STAB1: variants seen among roughly 807,000 people sequenced by gnomAD.
STAB1 encodes the protein stabilin 1.
In STAB1, 250 loss-of-function variants were observed where a neutral mutation model predicts 332.4. That is an observed-to-expected ratio of 0.75 (90% CI 0.68 to 0.84). STAB1 has a LOEUF of 0.84. Among genes scored for constraint, STAB1 ranks in the 40% least tolerant of loss-of-function variants. The pLI, the probability that STAB1 is intolerant of heterozygous loss-of-function variation, is 0.00. For missense variants in STAB1, 3,249 were observed against 3,489.7 expected, an observed-to-expected ratio of 0.93 and a Z score of 1.74; for synonymous variants, 1,475 against 1,390.4, an observed-to-expected ratio of 1.06 and a Z score of -1.35.
At chr3:52,509,152 G>T in intron 21 of STAB1, 58 bp from the exon 22 acceptor site, 1 of 1,479,920 alleles carries the variant, frequency 6.8e-7, no homozygotes. Flanking sequence ...GGTGTTGGGA[G>T]AGGGGATGTA....
chr3:52,518,716 G>A lies in STAB1; in HGVS notation c.4888-7G>A, dbSNP rs2078960230. On this transcript the variant is annotated splice_region_variant and splice_polypyrimidine_tract_variant and intron_variant, in intron 47 of 68. Transcript: ENST00000321725. ...GGGACCCCACTCCCCTCGCGACTCT[G>A]CTCCAGGATGAGCTGGCCCGGATTC... is the stretch of plus-strand genomic sequence containing the variant. 1 of 1,612,240 alleles carries A rather than the reference G, an allele frequency of 6.2e-7. No individual in the cohort carries two copies. Among genetic ancestry groups the A allele is most frequent in the Admixed American group, 1.7e-5 (1 of 59,962 alleles).
chr3:52,495,800 G>A (rs991919833), intron 1 of STAB1, among the ~76,000 whole-genome samples: 1 of 152,192 alleles, frequency 6.6e-6, no homozygotes, highest in African/African-American at 2.4e-5. Context: ...CCAGACGGAG[G>A]CCCAGGTCTT....
intron 16 of STAB1, 113 bp from the exon 17 acceptor site, chr3:52,506,057 T>C (rs1262263910): frequency 8.7e-6 from 13 of 1,502,164 alleles, no homozygotes; most frequent in East Asian, 7.1e-5. Flanking sequence ...TGTTCTGCTA[T>C]AGCACAGAGC....
Position 52,504,077 on chromosome 3 carries a change from C to T in STAB1, c.1072C>T (p.His358Tyr). ...EVGDGRACYG[H>Y]LLHEVQKATQ... ...GGGGGATGGGCGTGCCTGCTACGGA[C>T]ACCTGCTCCACGAGGTGCAGAAGGC... The change falls in exon 10 of 69, where the codon CAC (histidine) becomes TAC (tyrosine). Residue 358 changes from histidine to tyrosine, a missense_variant. Transcript: ENST00000321725. 1 of 1,586,424 alleles carries T rather than the reference C, an allele frequency of 6.3e-7. No homozygotes were observed. The highest frequency in any genetic ancestry group is 8.6e-7 in the Non-Finnish European group (1 of 1,166,414).
chr3:52,520,719 T>A, intron 54 of STAB1, 21 bp downstream of exon 54: 1 of 388,170 alleles, frequency 2.6e-6, no homozygotes. Context: ...AGGGGCTGAG[T>A]GGGGGTGGTG....
At chr3:52,514,045 G>C (rs1709488315) in intron 32 of STAB1, 64 bp downstream of exon 32, 1 of 1,598,074 alleles carries the variant, frequency 6.3e-7, no homozygotes, top group Admixed American at 1.7e-5. Context: ...GGTCCAGAGG[G>C]ACCTGGCTGG....
At position 52,508,305 on chromosome 3, in the gene STAB1, TGACTGCAC is replaced by T; in HGVS notation, c.2183_2190del (p.Asp728AlafsTer18). ...GCTGCTGCAAAGGTTTTTTCGGGCC[TGACTGCAC>T]GCAGTGTCCTGGGGGCTTCTCCAAC... is the stretch of plus-strand genomic sequence containing the variant. On this transcript the variant is annotated frameshift_variant, in exon 21 of 69. Transcript: ENST00000321725. LOFTEE classifies it high-confidence loss of function. 1 of 1,613,854 alleles carries T rather than the reference TGACTGCAC, an allele frequency of 6.2e-7. No individual in the cohort carries two copies. The highest frequency in any genetic ancestry group is 8.5e-7 in the Non-Finnish European group (1 of 1,179,846).
intron 14 of STAB1, 115 bp from the exon 15 acceptor site, chr3:52,505,553 G>A (rs897002675): frequency 2.4e-6 from 3 of 1,227,944 alleles, no homozygotes; most frequent in African/African-American, 1.5e-5. Context: ...CATTGCCCAT[G>A]TCTCCCCCTT....
chr3:52,522,206 C>T lies in STAB1; in HGVS notation c.6441C>T (p.His2147=), dbSNP rs201328927. The T allele has an allele frequency of 1.3e-4, 206 of 1,612,548 alleles. No individual in the cohort carries two copies. The highest frequency in any genetic ancestry group is 3.2e-4 in the Admixed American group (19 of 59,986). The change falls in exon 59 of 69, where the codon CAC becomes CAT. Residue 2147 remains histidine, a synonymous_variant. Transcript: ENST00000321725. ...GCCACCGCGGGGGCTGCAGCGAGCA[C>T]GCCAACTGCTTGAGCACCGGCCTGG... ...TDGHRGGCSE[H]ANCLSTGLNT...
rs757897658 is a variant in STAB1, at chr3:52,516,047, C to T, written c.3953C>T (p.Pro1318Leu). The T allele has an allele frequency of 1.7e-5, 27 of 1,607,386 alleles. No homozygotes were observed. The highest frequency in any genetic ancestry group is 4.4e-5 in the South Asian group (4 of 90,502). The change falls in exon 38 of 69, where the codon CCG becomes CTG. Residue 1318 changes from proline to leucine, a missense_variant. Coordinates refer to ENST00000321725, the MANE Select transcript of STAB1 (RefSeq NM_015136.3). The part of the protein sequence containing the change: ...SYTCAKKIQV[P>L]DCCPGFFGTL... ...CTCCCATCCCCACGCCGACAGGTGC[C>T]GGACTGCTGCCCTGGTTTCTTTGGC...
In STAB1 at chr3:52,504,012, C is replaced by T. The variant is rs41292368; in HGVS notation, c.1023-16C>T. The stretch of plus-strand genomic sequence containing the variant: ...GCCTCAGCCTCCGCCCTGACTGGCT[C>T]TCCCTGGGAGCCCAGCTGTGTGTGC... On this transcript the variant is annotated splice_polypyrimidine_tract_variant and intron_variant, in intron 9 of 68. Coordinates refer to ENST00000321725, the MANE Select transcript of STAB1 (RefSeq NM_015136.3). The T allele has an allele frequency of 4.4e-3, 7,019 of 1,607,904 alleles. 20 individuals carry two copies. Among genetic ancestry groups the T allele is most frequent in the Non-Finnish European group, 5.6e-3 (6,617 of 1,177,588 alleles).
chr3:52,523,905 C>CG lies in STAB1; in HGVS notation c.7432dup (p.Ala2478GlyfsTer41). ...CTGGCGCCTGAAGCCCCACCTGTGG[C>CG]GGCAGGCGTGGGGGCTGTGCTTGCC... On this transcript the variant is annotated frameshift_variant, in exon 67 of 69. Transcript: ENST00000321725. LOFTEE classifies it high-confidence loss of function. 6.2e-7 allele frequency: 1 copy of CG among 1,606,820 alleles called. No individual in the cohort carries two copies. The highest frequency in any genetic ancestry group is 8.5e-7 in the Non-Finnish European group (1 of 1,178,458).
At chr3:52,499,295 G>A (rs537690018) in intron 1 of STAB1, among the ~76,000 whole-genome samples, 12 of 152,346 alleles carry the variant, frequency 7.9e-5, no homozygotes, top group African/African-American at 1.2e-4. Flanking sequence ...CTTTGTTGCC[G>A]TAGAAGGCTG....
chr3:52,520,559 G>A lies in STAB1; in HGVS notation c.5649+10G>A. On this transcript the variant is annotated intron_variant, in intron 53 of 68. Coordinates refer to ENST00000321725, the MANE Select transcript of STAB1 (RefSeq NM_015136.3). ...CCGGCCCCTGCGACTGGTGAGGGAG[G>A]CCAGAGGCAGACGGGCAGAAGCCCA... The A allele has an allele frequency of 6.2e-7, 1 of 1,610,852 alleles. No individual in the cohort carries two copies. Among genetic ancestry groups the A allele is most frequent in the Non-Finnish European group, 8.5e-7 (1 of 1,178,428 alleles).
chr3:52,520,596 G>A (rs890270180), intron 53 of STAB1, 46 bp from the exon 54 acceptor site: 1 of 1,612,812 alleles, frequency 6.2e-7, no homozygotes, highest in East Asian at 2.2e-5. Context: ...CCCGCCTGTG[G>A]TGTCCATCCA....
At chr3:52,502,276 C>CA in intron 5 of STAB1, 48 bp downstream of exon 5, 1 of 1,588,948 alleles carries the variant, frequency 6.3e-7, no homozygotes, top group Non-Finnish European at 8.5e-7. Flanking sequence ...CACCTGGGGG[C>CA]CCACGCAGAT....
intron 48 of STAB1, 78 bp from the exon 49 acceptor site, chr3:52,519,186 T>C: frequency 6.5e-7 from 1 of 1,534,958 alleles, no homozygotes; most frequent in Non-Finnish European, 8.8e-7. Context: ...CCAACCCAGG[T>C]TCAACCTCCA....
At position 52,522,609 on chromosome 3, in the gene STAB1, A is replaced by G; in HGVS notation, c.6665A>G (p.Asn2222Ser). 1.2e-6 allele frequency: 2 copies of G among 1,612,978 alleles called. No individual in the cohort carries two copies. The highest frequency in any genetic ancestry group is 1.7e-6 in the Non-Finnish European group (2 of 1,180,026). The change falls in exon 61 of 69, where the codon AAC (asparagine) becomes AGC (serine). Residue 2222 changes from asparagine to serine, a missense_variant. By Grantham distance (46) the Asn-to-Ser change is conservative. Coordinates refer to ENST00000321725, the MANE Select transcript of STAB1 (RefSeq NM_015136.3). ...LQATSGPYGLNFSEAEAACEA... is the reference protein window; with the variant it reads ...LQATSGPYGLSFSEAEAACEA... ...GCCACCAGCGGCCCTTATGGTCTGA[A>G]CTTTTCGGAGGCTGAGGCGGCATGC...
intron 55 of STAB1, among the ~76,000 whole-genome samples, 160 bp from the exon 56 acceptor site, chr3:52,521,201 C>CT (rs2079060642): frequency 6.6e-6 from 1 of 152,068 alleles, no homozygotes; most frequent in Admixed American, 6.5e-5. Context: ...GGGAGGAGTG[C>CT]TGGGGGGTCT....
Sources: gnomAD v4.1 joint callset for allele counts (sites outside exome capture counted in the v4.1 genomes callset) on GRCh38, gnomAD v4.1.1 for gene constraint, MANE v1.5 for transcripts, NCBI Gene and HGNC (gene_info 2026-07-23, HGNC 2026-07-21) for gene names.